ASTN2: variants seen among roughly 807,000 people sequenced by gnomAD.
The protein encoded by ASTN2 is astrotactin-2.
ASTN2 carries 54 observed loss-of-function variants against 139.8 expected under a neutral mutation model. The observed-to-expected ratio is 0.39, with a 90% CI of 0.31 to 0.48. The LOEUF is 0.48. Among genes scored for constraint, ASTN2 ranks in the 20% least tolerant of loss-of-function variants. The pLI, the probability that ASTN2 is intolerant of heterozygous loss-of-function variation, is 0.95. For synonymous variants in ASTN2, 756 were observed against 719.5 expected, an observed-to-expected ratio of 1.05 and a Z score of -0.81; for missense variants, 1,565 against 1,725.1, an observed-to-expected ratio of 0.91 and a Z score of 1.64.
rs1831009269 is a variant in ASTN2, at chr9:117,179,723, TA to T, written c.1015+34634del. ...TGCTGTACTCCAGGACTGCTGGGCC[TA>T]AAGGCACAGGCAGGGCCTTTCTGCC... On this transcript the variant is annotated intron_variant, in intron 3 of 22. Coordinates refer to ENST00000313400, the MANE Select transcript of ASTN2 (RefSeq NM_001365068.1). 1.3e-5 allele frequency among the ~76,000 whole-genome samples: 2 copies of T among 152,182 alleles called. 1 individual carries two copies. The highest frequency in any genetic ancestry group is 2.9e-5 in the Non-Finnish European group (2 of 68,038).
At chr9:117,045,501 C>T (rs908469713) in intron 5 of ASTN2, among the ~76,000 whole-genome samples, 4 of 152,134 alleles carry the variant, frequency 2.6e-5, no homozygotes, top group Non-Finnish European at 4.4e-5. Context: ...TTTTCCCTCC[C>T]TCTTACACCT....
intron 2 of ASTN2, among the ~76,000 whole-genome samples, chr9:117,267,654 A>T (rs1833965764): frequency 6.6e-6 from 1 of 152,218 alleles, no homozygotes; most frequent in South Asian, 2.1e-4. Flanking sequence ...CAACAAAAAA[A>T]TTCCTCCTCC....
chr9:116,862,143 G>A (rs1161954971), intron 11 of ASTN2, among the ~76,000 whole-genome samples: 2 of 152,010 alleles, frequency 1.3e-5, no homozygotes, highest in African/African-American at 4.8e-5. Context: ...AAGCTTCTTC[G>A]TATTGATCTC....
chr9:117,168,117 C>CA, intron 3 of ASTN2, among the ~76,000 whole-genome samples: 1 of 151,936 alleles, frequency 6.6e-6, no homozygotes, highest in African/African-American at 2.4e-5. Context: ...TGCAGAGTTG[C>CA]CTGGAGGAGA....
chr9:117,309,380 A>G, intron 1 of ASTN2, among the ~76,000 whole-genome samples: 1 of 152,248 alleles, frequency 6.6e-6, no homozygotes, highest in East Asian at 1.9e-4. Flanking sequence ...GAGGTTAAAA[A>G]AGATGAAGTG....
At chr9:117,372,489 T>C (rs557550730) in intron 1 of ASTN2, among the ~76,000 whole-genome samples, 71 of 152,332 alleles carry the variant, frequency 4.7e-4, no homozygotes, top group African/African-American at 1.7e-3. Flanking sequence ...CAAATGCTAA[T>C]GCTGCTGCCT....
At chr9:117,257,656 G>A (rs1833723187) in intron 2 of ASTN2, among the ~76,000 whole-genome samples, 1 of 152,198 alleles carries the variant, frequency 6.6e-6, no homozygotes, top group South Asian at 2.1e-4. Flanking sequence ...TTTGAAGTGA[G>A]AATCAGAGGA....
At chr9:116,492,786 A>G (rs1476379441) in intron 19 of ASTN2, among the ~76,000 whole-genome samples, 1 of 152,186 alleles carries the variant, frequency 6.6e-6, no homozygotes, top group Admixed American at 6.5e-5. Context: ...TTTCTGAGAA[A>G]GACACAAAGT....
At chr9:116,969,226 C>A (rs116189659) in intron 10 of ASTN2, among the ~76,000 whole-genome samples, 1 of 152,178 alleles carries the variant, frequency 6.6e-6, no homozygotes, top group Non-Finnish European at 1.5e-5. Context: ...AGATGAGGAA[C>A]ATGAACTCAA....
At chr9:117,389,905 G>A (rs556827481) in intron 1 of ASTN2, among the ~76,000 whole-genome samples, 5 of 152,230 alleles carry the variant, frequency 3.3e-5, no homozygotes, top group South Asian at 2.1e-4. Flanking sequence ...GTATTCGGGG[G>A]TAGGTGAACA....
chr9:117,299,484 A>G (rs528127246), intron 1 of ASTN2, among the ~76,000 whole-genome samples: 2 of 152,336 alleles, frequency 1.3e-5, no homozygotes, highest in Non-Finnish European at 2.9e-5. Context: ...AATTGGCAAG[A>G]TTTCAACAAA....
At chr9:117,033,796 G>A (rs1257358382) in intron 6 of ASTN2, among the ~76,000 whole-genome samples, 1 of 151,998 alleles carries the variant, frequency 6.6e-6, no homozygotes, top group Non-Finnish European at 1.5e-5. Flanking sequence ...TAGCATCCCT[G>A]AGCCCCACTT....
At chr9:116,879,395 T>C (rs1409881761) in intron 10 of ASTN2, among the ~76,000 whole-genome samples, 1 of 151,944 alleles carries the variant, frequency 6.6e-6, no homozygotes, top group Non-Finnish European at 1.5e-5. Flanking sequence ...AGAGAATTCA[T>C]TGTTTTGAAC....
At chr9:116,493,355 C>T (rs12353303) in intron 19 of ASTN2, among the ~76,000 whole-genome samples, 49,192 of 151,996 alleles carry the variant, frequency 0.32, 8,589 homozygotes, top group East Asian at 0.53. Flanking sequence ...GTTTTTCTTT[C>T]CTTGAAAACA....
In ASTN2 at chr9:116,699,693, T is replaced by C. The variant is rs1402865703; in HGVS notation, c.2806+26078A>G. ...CTACAGCTACCATCTGAGAAGATATTCCACCCCATAGGGGATGAGAAATTA... is the reference window on the plus strand; with the variant it reads ...CTACAGCTACCATCTGAGAAGATATCCCACCCCATAGGGGATGAGAAATTA... On this transcript the variant is annotated intron_variant, in intron 16 of 22. Transcript: ENST00000313400. The surrounding 1 kb of genome is among the most constrained non-coding windows in gnomAD (Gnocchi z 4.2). The C allele has an allele frequency of 1.2e-6, 2 of 1,614,212 alleles. No homozygotes were observed. Among genetic ancestry groups the C allele is most frequent in the Admixed American group, 3.3e-5 (2 of 60,022 alleles).
Position 117,414,665 on chromosome 9 carries a change from C to A in ASTN2, c.274G>T (p.Ala92Ser), listed in dbSNP as rs1291710787. The A allele has an allele frequency of 1.6e-6, 2 of 1,267,044 alleles. No individual in the cohort carries two copies. The highest frequency in any genetic ancestry group is 1.6e-5 in the African/African-American group (1 of 63,196). 78.5% of individuals were successfully genotyped at this position (1,267,044 alleles called of 1,614,324 possible). ...GCGGCGGCTCCGGCCCCGGTCCCAG[C>A]CCCGGCCCCGGCGCGGGCGCCGCTC... The part of the protein sequence containing the change: ...GWSGARAGAG[A>S]GTGAGAAAAA... Residue 92 changes from alanine to serine, a missense_variant, in exon 1 of 23, where the codon GCT becomes TCT. Physicochemically the swap from Ala to Ser is moderately conservative, Grantham distance 99 (BLOSUM62 1). This residue lies in a region of ASTN2 where 596 missense variants were observed against 576.8 expected (regional missense o/e 1.03). Coordinates refer to ENST00000313400, the MANE Select transcript of ASTN2 (RefSeq NM_001365068.1). The surrounding 1 kb of genome is among the most constrained non-coding windows in gnomAD (Gnocchi z 4.2).
chr9:116,489,238 T>C (rs897452482), intron 19 of ASTN2, among the ~76,000 whole-genome samples: 5 of 152,252 alleles, frequency 3.3e-5, no homozygotes, highest in African/African-American at 1.2e-4. Flanking sequence ...GGTGCTTCTC[T>C]ACCAAGGAAC....
chr9:117,075,307 C>T (rs982336469), intron 5 of ASTN2, among the ~76,000 whole-genome samples: 11 of 152,136 alleles, frequency 7.2e-5, no homozygotes, highest in African/African-American at 2.2e-4. Context: ...ATCAGCACAG[C>T]GTCAGCGCCT....
intron 4 of ASTN2, among the ~76,000 whole-genome samples, chr9:117,138,362 C>A (rs1829999836): frequency 6.6e-6 from 1 of 151,990 alleles, no homozygotes; most frequent in East Asian, 1.9e-4. Flanking sequence ...AGAGGCATGG[C>A]AAGGAGAAGG....
Sources: gnomAD v4.1 joint callset for allele counts (sites outside exome capture counted in the v4.1 genomes callset) on GRCh38, gnomAD v4.1.1 for gene constraint, gnomAD v4.1.1 regional missense constraint, Gnocchi (gnomAD v3.1) non-coding constraint, MANE v1.5 for transcripts, NCBI Gene and HGNC (gene_info 2026-07-23, HGNC 2026-07-21) for gene names.